CTSS: variants seen among roughly 807,000 people sequenced by gnomAD.
CTSS encodes cathepsin S.
In CTSS, 15 loss-of-function variants were observed where a neutral mutation model predicts 39.9. The observed-to-expected ratio is 0.38, with a 90% CI of 0.25 to 0.58. CTSS has a LOEUF of 0.58. Among genes scored for constraint, CTSS ranks in the 20% least tolerant of loss-of-function variants. CTSS has a pLI of 0.70. For synonymous variants in CTSS, 126 were observed against 138.2 expected, an observed-to-expected ratio of 0.91 and a Z score of 0.62; for missense variants, 250 against 398.2, an observed-to-expected ratio of 0.63 and a Z score of 3.17.
rs773881952 is a variant in CTSS at position 150,751,790 on chromosome 1, G to A, written c.618C>T (p.Tyr206=). The A allele has an allele frequency of 1.2e-6, 2 of 1,614,096 alleles. No individual in the cohort carries two copies. Among genetic ancestry groups the A allele is most frequent in the South Asian group, 1.1e-5 (1 of 91,092 alleles). Residue 206 remains tyrosine, a synonymous_variant, in exon 5 of 8, where the codon TAC becomes TAT. Coordinates refer to ENST00000368985, the MANE Select transcript of CTSS (RefSeq NM_004079.5). ...KGIDSDASYP[Y]KAMDQKCQYD... is the part of the protein sequence containing the mutation. The stretch of plus-strand genomic sequence containing the variant: ...TTTGCTTAAGACGCACCATGGCTTT[G>A]TAGGGATAGGAAGCGTCTGAGTCGA...
chr1:150,735,096 G>T lies in CTSS; in HGVS notation c.897-1951C>A, dbSNP rs75966112. Reference sequence around the variant, plus strand: ...GAAAGCTGGTTTGGGGCCATGTTGTGAACAGCTTAGAACAGCAGGTGGAGG... The same window carrying T: ...GAAAGCTGGTTTGGGGCCATGTTGTTAACAGCTTAGAACAGCAGGTGGAGG... On this transcript the variant is annotated intron_variant, in intron 7 of 7. Coordinates refer to ENST00000368985, the MANE Select transcript of CTSS (RefSeq NM_004079.5). Among the ~76,000 whole-genome samples the T allele has an allele frequency of 8.0e-3, 1,224 of 152,284 alleles. 9 individuals are homozygous for T. The highest frequency in any genetic ancestry group is 0.011 in the Non-Finnish European group (733 of 68,018).
chr1:150,747,471 A>G (rs1156631739), intron 7 of CTSS, among the ~76,000 whole-genome samples: 3 of 152,176 alleles, frequency 2.0e-5, no homozygotes, highest in African/African-American at 7.2e-5. Context: ...CAGATGATAG[A>G]GCCCTGGGGA....
At chr1:150,737,625 G>A (rs1441587117) in intron 7 of CTSS, among the ~76,000 whole-genome samples, 1 of 152,070 alleles carries the variant, frequency 6.6e-6, no homozygotes, top group Non-Finnish European at 1.5e-5. Context: ...CTTTGTAATA[G>A]ACTGAAGTCC....
chr1:150,733,083 C>T lies in CTSS; in HGVS notation c.959G>A (p.Cys320Tyr). The change falls in exon 8 of 8, where the codon TGT (cysteine) becomes TAT (tyrosine). Residue 320 changes from cysteine to tyrosine, a missense_variant. Physicochemically the swap from Cys to Tyr is radical, Grantham distance 194 (BLOSUM62 -2). Coordinates refer to ENST00000368985, the MANE Select transcript of CTSS (RefSeq NM_004079.5). Reference sequence around the variant, plus strand: ...GTAAGAGGGAAAGCTAGCAATCCCACAATGATTTCCTTTATTTCTTGCCAT... The same window carrying T: ...GTAAGAGGGAAAGCTAGCAATCCCATAATGATTTCCTTTATTTCTTGCCAT... ...IRMARNKGNHCGIASFPSYPE... is the reference protein window; with the variant it reads ...IRMARNKGNHYGIASFPSYPE... The T allele has an allele frequency of 6.2e-7, 1 of 1,613,754 alleles. No homozygotes were observed. The highest frequency in any genetic ancestry group is 8.5e-7 in the Non-Finnish European group (1 of 1,179,808).
chr1:150,761,716 A>C (rs1176542960), intron 2 of CTSS, among the ~76,000 whole-genome samples: 4 of 152,138 alleles, frequency 2.6e-5, no homozygotes, highest in Non-Finnish European at 5.9e-5. Context: ...GGGCAACAAG[A>C]GCAAAATTCC....
chr1:150,743,721 GTATATTATGTATACATAATATATTA>G (rs1652828760), intron 7 of CTSS, among the ~76,000 whole-genome samples: 4 of 43,642 alleles, frequency 9.2e-5, no homozygotes, highest in Non-Finnish European at 1.6e-4. Flanking sequence ...TATATTATAT[GTATATTATGTATACATAATATATTA>G]TATATTATAT....
chr1:150,754,430 C>T (rs1571103326), intron 4 of CTSS, among the ~76,000 whole-genome samples: 2 of 135,172 alleles, frequency 1.5e-5, no homozygotes, highest in African/African-American at 5.4e-5. Context: ...TATACTTTAC[C>T]TTTTTTTTTT....
At chr1:150,733,961 A>G (rs2101907722) in intron 7 of CTSS, among the ~76,000 whole-genome samples, 1 of 152,274 alleles carries the variant, frequency 6.6e-6, no homozygotes, top group East Asian at 1.9e-4. Flanking sequence ...TAATGGACTT[A>G]GAGGAGTTCA....
At chr1:150,760,406 T>G (rs373982987) in intron 2 of CTSS, among the ~76,000 whole-genome samples, 1 of 152,088 alleles carries the variant, frequency 6.6e-6, no homozygotes, top group Non-Finnish European at 1.5e-5. Context: ...CCATACTCAA[T>G]TGGGTGAAAA....
intron 4 of CTSS, among the ~76,000 whole-genome samples, chr1:150,754,244 G>T (rs1210825723): frequency 8.1e-6 from 1 of 123,552 alleles, no homozygotes; most frequent in Non-Finnish European, 1.7e-5. Flanking sequence ...CTCCCGAGTA[G>T]CTGGGATTAC....
chr1:150,758,052 A>T (rs1400558150), intron 2 of CTSS, 72 bp from the exon 3 acceptor site: 3 of 1,477,784 alleles, frequency 2.0e-6, no homozygotes, highest in Non-Finnish European at 2.7e-6. Flanking sequence ...TGAAAATGGC[A>T]ATTTTTTTTT....
chr1:150,752,331 AT>A (rs1241919273), intron 4 of CTSS, among the ~76,000 whole-genome samples: 1 of 152,200 alleles, frequency 6.6e-6, no homozygotes, highest in Non-Finnish European at 1.5e-5. Context: ...AGTAAGGGAG[AT>A]AGTTGCCTAC....
At chr1:150,755,494 C>T (rs1216692520) in intron 3 of CTSS, among the ~76,000 whole-genome samples, 2 of 152,040 alleles carry the variant, frequency 1.3e-5, no homozygotes, top group Non-Finnish European at 2.9e-5. Flanking sequence ...AATCCCAGCA[C>T]TTTGGGAGGC....
intron 4 of CTSS, among the ~76,000 whole-genome samples, chr1:150,753,639 T>C (rs1653052565): frequency 6.6e-6 from 1 of 152,168 alleles, no homozygotes; most frequent in South Asian, 2.1e-4. Context: ...AGTAGGTGGC[T>C]CTATGATCAC....
At chr1:150,751,685 C>A in intron 5 of CTSS, 96 bp downstream of exon 5, 1 of 1,040,422 alleles carries the variant, frequency 9.6e-7, no homozygotes, top group Non-Finnish European at 1.5e-6. Flanking sequence ...CACAATACTG[C>A]TTCTCAAGCA....
At chr1:150,752,865 T>G (rs767429358) in intron 4 of CTSS, among the ~76,000 whole-genome samples, 2 of 152,140 alleles carry the variant, frequency 1.3e-5, no homozygotes, top group Non-Finnish European at 2.9e-5. Context: ...TTTTGTTTGT[T>G]TGTTTTGAGA....
At chr1:150,737,186 T>A (rs1425052698) in intron 7 of CTSS, among the ~76,000 whole-genome samples, 1 of 152,020 alleles carries the variant, frequency 6.6e-6, no homozygotes, top group Admixed American at 6.6e-5. Context: ...CACTGCAACC[T>A]CCACCTCCCA....
chr1:150,747,811 G>C lies in CTSS; in HGVS notation c.862C>G (p.Leu288Val), dbSNP rs750380196. 1 of 1,613,506 alleles carries C rather than the reference G, an allele frequency of 6.2e-7. No homozygotes were observed. Among genetic ancestry groups the C allele is most frequent in the East Asian group, 2.2e-5 (1 of 44,844 alleles). The change falls in exon 7 of 8, where the codon CTT (leucine) becomes GTT (valine). Residue 288 changes from leucine to valine, a missense_variant. By Grantham distance (32) the Leu-to-Val change is conservative. Coordinates refer to ENST00000368985, the MANE Select transcript of CTSS (RefSeq NM_004079.5). ...ACAAGCCAGTATTCTTTCCCATTAA[G>C]ATCACCATAGCCAACCACAAGTACA... ...HGVLVVGYGD[L>V]NGKEYWLVKN...
chr1:150,751,632 C>T (rs1248747683), intron 5 of CTSS, 149 bp downstream of exon 5: 1 of 656,464 alleles, frequency 1.5e-6, no homozygotes, highest in Non-Finnish European at 2.7e-6. Context: ...AGAAACAGAA[C>T]TCTTGAGAAT....
Sources: allele counts gnomAD v4.1 joint callset (sites outside exome capture counted in the v4.1 genomes callset), GRCh38; gene constraint gnomAD v4.1.1; transcripts MANE v1.5; gene names NCBI Gene and HGNC (gene_info 2026-07-23, HGNC 2026-07-21).